The following ZBTB46 variants were observed in gnomAD, a reference collection of about 807,000 sequenced individuals.
The protein encoded by ZBTB46 is zinc finger and BTB domain containing 46.
ZBTB46 carries 8 observed loss-of-function variants against 44.1 expected under a neutral mutation model. The observed-to-expected ratio is 0.18, with a 90% CI of 0.11 to 0.33. The LOEUF is 0.33. ZBTB46 is among the 10% of genes least tolerant of loss of function. The pLI, the probability that ZBTB46 is intolerant of heterozygous loss-of-function variation, is 1.00. For missense variants in ZBTB46, 651 were observed against 847.7 expected, an observed-to-expected ratio of 0.77 and a Z score of 2.88; for synonymous variants, 409 against 382.3, an observed-to-expected ratio of 1.07 and a Z score of -0.81.
chr20:63,771,908 G>A (rs1253421949), intron 3 of ZBTB46, among the ~76,000 whole-genome samples: 2 of 151,728 alleles, frequency 1.3e-5, no homozygotes, highest in East Asian at 1.9e-4. Context: ...CCACTCTGCT[G>A]GGCAGGCGTC....
chr20:63,782,103 A>G (rs1434832997), intron 2 of ZBTB46, among the ~76,000 whole-genome samples: 4 of 144,728 alleles, frequency 2.8e-5, no homozygotes, highest in African/African-American at 1.1e-4. Context: ...AAAAAAAAGA[A>G]AAGAGGCGTG....
intron 1 of ZBTB46, among the ~76,000 whole-genome samples, chr20:63,829,523 G>T (rs1012486251): frequency 6.6e-6 from 1 of 152,226 alleles, no homozygotes; most frequent in East Asian, 1.9e-4. Context: ...CGGAGAAGAT[G>T]TCTAGCTTTT....
chr20:63,777,533 T>C (rs1206546991), intron 2 of ZBTB46, among the ~76,000 whole-genome samples: 1 of 152,196 alleles, frequency 6.6e-6, no homozygotes, highest in Non-Finnish European at 1.5e-5. Flanking sequence ...CCCTGGAACC[T>C]TGCTGGTAAG....
At chr20:63,823,287 G>T (rs1207560262) in intron 1 of ZBTB46, among the ~76,000 whole-genome samples, 2 of 152,108 alleles carry the variant, frequency 1.3e-5, no homozygotes, top group African/African-American at 2.4e-5. Context: ...TCGCGCTCAG[G>T]AGTTCAAGAC....
intron 1 of ZBTB46, among the ~76,000 whole-genome samples, chr20:63,817,178 G>C (rs1018238128): frequency 1.3e-5 from 2 of 152,160 alleles, no homozygotes; most frequent in African/African-American, 4.8e-5. Flanking sequence ...CCAACTCTTG[G>C]GGAGGCAGAG....
chr20:63,761,480 ATCAT>A (rs1031047434), intron 3 of ZBTB46, among the ~76,000 whole-genome samples: 3 of 152,026 alleles, frequency 2.0e-5, no homozygotes, highest in African/African-American at 7.2e-5. Context: ...TTTTTTCATT[ATCAT>A]TCAGTTAAAA....
intron 3 of ZBTB46, among the ~76,000 whole-genome samples, chr20:63,773,726 C>T (rs2092395987): frequency 6.6e-6 from 1 of 152,044 alleles, no homozygotes; most frequent in South Asian, 2.1e-4. Flanking sequence ...GCCCGGGATC[C>T]CCCTCCGACC....
upstream of ZBTB46, among the ~76,000 whole-genome samples, chr20:63,832,771 C>G (rs2092858656): frequency 6.6e-6 from 1 of 152,116 alleles, no homozygotes; most frequent in African/African-American, 2.4e-5. The surrounding 1 kb of genome is among the most constrained non-coding windows in gnomAD (Gnocchi z 5.0). Context: ...GAAACTGTAG[C>G]CCCAGCCTCA....
intron 1 of ZBTB46, among the ~76,000 whole-genome samples, chr20:63,800,970 C>T (rs1387457469): frequency 2.0e-5 from 3 of 152,246 alleles, no homozygotes; most frequent in Non-Finnish European, 4.4e-5. Flanking sequence ...AGTGCCGGAT[C>T]CACTCGGTGA....
At chr20:63,785,177 A>G (rs1388350746) in intron 2 of ZBTB46, among the ~76,000 whole-genome samples, 2 of 141,278 alleles carry the variant, frequency 1.4e-5, no homozygotes, top group Non-Finnish European at 3.0e-5. Flanking sequence ...GGTTGCGGTG[A>G]GCTGAGATTG....
intron 1 of ZBTB46, among the ~76,000 whole-genome samples, chr20:63,813,286 T>C (rs2092728190): frequency 6.7e-6 from 1 of 150,362 alleles, no homozygotes; most frequent in South Asian, 2.1e-4. Flanking sequence ...TCGTCTCTAC[T>C]AAAAATACAA....
chr20:63,799,493 G>A, intron 1 of ZBTB46, among the ~76,000 whole-genome samples: 1 of 151,846 alleles, frequency 6.6e-6, no homozygotes, highest in East Asian at 1.9e-4. Flanking sequence ...GATTACAGGT[G>A]TGTGCCACCA....
chr20:63,802,646 G>A (rs1174068614), intron 1 of ZBTB46, among the ~76,000 whole-genome samples: 6 of 134,548 alleles, frequency 4.5e-5, no homozygotes, highest in Non-Finnish European at 4.7e-5. Flanking sequence ...GCGGTGGGCC[G>A]ACAACCGAAC....
chr20:63,777,462 A>G (rs2092435274), intron 2 of ZBTB46, among the ~76,000 whole-genome samples: 1 of 152,082 alleles, frequency 6.6e-6, no homozygotes, highest in Non-Finnish European at 1.5e-5. Flanking sequence ...GTGAGACCCT[A>G]TCTCAAAAAC....
At chr20:63,800,094 G>A (rs2092632005) in intron 1 of ZBTB46, among the ~76,000 whole-genome samples, 1 of 152,320 alleles carries the variant, frequency 6.6e-6, no homozygotes, top group South Asian at 2.1e-4. Context: ...CCAAACTGCA[G>A]AGGCAGCTCA....
intron 3 of ZBTB46, among the ~76,000 whole-genome samples, chr20:63,765,848 C>T (rs1280951511): frequency 6.6e-6 from 1 of 152,194 alleles, no homozygotes; most frequent in East Asian, 1.9e-4. Flanking sequence ...TACTATCTGC[C>T]ACGAGCATAT....
At chr20:63,748,674 C>T (rs2092129071) in intron 4 of ZBTB46, among the ~76,000 whole-genome samples, 1 of 152,216 alleles carries the variant, frequency 6.6e-6, no homozygotes, top group Non-Finnish European at 1.5e-5. Flanking sequence ...TCAGGTCAGT[C>T]CTCCAGGCTG....
At chr20:63,807,083 G>A (rs1364059320) in intron 1 of ZBTB46, among the ~76,000 whole-genome samples, 3 of 151,786 alleles carry the variant, frequency 2.0e-5, no homozygotes, top group East Asian at 3.9e-4. Flanking sequence ...CGCCTGGCCA[G>A]GATTGGTGTT....
intron 1 of ZBTB46, 192 bp from the exon 2 acceptor site, chr20:63,790,982 G>A: frequency 1.4e-6 from 1 of 718,090 alleles, no homozygotes; most frequent in Non-Finnish European, 2.2e-6. Context: ...AAACACCGGA[G>A]GGCACCAGTG....
Sources: allele counts gnomAD v4.1 joint callset (sites outside exome capture counted in the v4.1 genomes callset), GRCh38; gene constraint gnomAD v4.1.1; non-coding constraint Gnocchi (gnomAD v3.1); transcripts MANE v1.5; gene names NCBI Gene and HGNC (gene_info 2026-07-23, HGNC 2026-07-21).